AUH: variants seen among roughly 807,000 people sequenced by gnomAD.
The protein encoded by AUH is AU RNA binding methylglutaconyl-CoA hydratase.
A neutral mutation model predicts 42.3 loss-of-function variants in AUH; 29 were observed. The ratio of observed to expected loss-of-function variants is 0.69; its 90% confidence interval spans 0.51 to 0.93. AUH has a LOEUF of 0.93. AUH is among the 40% of genes least tolerant of loss of function. AUH has a pLI of 0.00. For missense variants in AUH, 452 were observed against 438.1 expected, an observed-to-expected ratio of 1.03 and a Z score of -0.28; for synonymous variants, 174 against 166.4, an observed-to-expected ratio of 1.05 and a Z score of -0.35.
intron 4 of AUH, among the ~76,000 whole-genome samples, chr9:91,313,466 G>A (rs951107034): frequency 8.5e-5 from 13 of 152,186 alleles, no homozygotes; most frequent in African/African-American, 3.1e-4. Context: ...AGCACTTTGG[G>A]AGGCCGAGGC....
Position 91,343,715 on chromosome 9 carries a change from G to C in AUH, c.418+12168C>G, listed in dbSNP as rs558746488. ...CTGCTGCACTCCAGCCTGGGTGACA[G>C]AGCAAGACCCTGTCTCAAAATAAAT... is the stretch of plus-strand genomic sequence containing the variant. On this transcript the variant is annotated intron_variant, in intron 3 of 9. Coordinates refer to ENST00000375731, the MANE Select transcript of AUH (RefSeq NM_001698.3). Among the ~76,000 whole-genome samples the C allele has an allele frequency of 2.0e-5, 3 of 152,184 alleles. No homozygotes were observed. The South Asian group carries it at 6.2e-4, about 32-fold the overall frequency.
intron 3 of AUH, among the ~76,000 whole-genome samples, chr9:91,330,667 G>C (rs1298768342): frequency 1.3e-5 from 2 of 152,152 alleles, no homozygotes; most frequent in African/African-American, 4.8e-5. Context: ...ACAGCTAAAA[G>C]CTGGGAACAC....
chr9:91,290,666 T>G (rs1434607893), intron 6 of AUH, among the ~76,000 whole-genome samples: 2 of 152,198 alleles, frequency 1.3e-5, no homozygotes, highest in African/African-American at 4.8e-5. Context: ...AGACCTCATA[T>G]GGTATGGCAC....
intron 4 of AUH, among the ~76,000 whole-genome samples, chr9:91,299,659 G>C (rs1220756458): frequency 6.6e-6 from 1 of 152,138 alleles, no homozygotes; most frequent in African/African-American, 2.4e-5. Flanking sequence ...ACAATATCTA[G>C]TGAATTTTAT....
At position 91,216,104 on chromosome 9, in the gene AUH, G is replaced by C. The variant is rs772624236; in HGVS notation, c.897C>G (p.Val299=). The change falls in exon 9 of 10, where the codon GTC becomes GTG. Residue 299 remains valine (V), a splice_region_variant and synonymous_variant. Transcript: ENST00000375731. ...CTATGGCTAACCCTGTTACTAAATC[G>C]ACCTGAGAATAAAAACATAATCCAT... ...AKLAINQGME[V]DLVTGLAIEE... is the part of the protein sequence containing the mutation. The C allele has an allele frequency of 1.1e-5, 17 of 1,612,348 alleles. No homozygotes were observed. The highest frequency in any genetic ancestry group is 1.2e-5 in the Non-Finnish European group (14 of 1,178,980).
intron 6 of AUH, among the ~76,000 whole-genome samples, chr9:91,275,708 T>C (rs999109949): frequency 2.0e-5 from 3 of 152,210 alleles, no homozygotes; most frequent in African/African-American, 7.2e-5. Context: ...AAAGGATGAC[T>C]ATGGCCATTT....
intron 6 of AUH, among the ~76,000 whole-genome samples, chr9:91,283,462 G>A (rs1412006043): frequency 6.6e-6 from 1 of 152,068 alleles, no homozygotes; most frequent in African/African-American, 2.4e-5. Context: ...TTCTGGCCAG[G>A]GCAATCAGGC....
At chr9:91,323,089 A>G (rs1014594935) in intron 4 of AUH, among the ~76,000 whole-genome samples, 10 of 152,210 alleles carry the variant, frequency 6.6e-5, no homozygotes, top group African/African-American at 2.4e-4. Context: ...GGCACCCACC[A>G]AAGTCAAAGA....
chr9:91,343,953 C>G (rs968530330), intron 3 of AUH, among the ~76,000 whole-genome samples: 1 of 152,032 alleles, frequency 6.6e-6, no homozygotes, highest in Non-Finnish European at 1.5e-5. Flanking sequence ...ACTGATGGAC[C>G]CTCCCCTCCA....
At chr9:91,258,495 A>G (rs1829531655) in intron 6 of AUH, among the ~76,000 whole-genome samples, 1 of 152,206 alleles carries the variant, frequency 6.6e-6, no homozygotes, top group Admixed American at 6.5e-5. Flanking sequence ...ATGGCCTCCC[A>G]AAGTGCTGAG....
chr9:91,294,765 T>C, intron 6 of AUH: 1 of 455,648 alleles, frequency 2.2e-6, no homozygotes, highest in Non-Finnish European at 4.4e-6. Context: ...ATGGATGACT[T>C]GGAGGGATTC....
At chr9:91,318,875 T>A (rs2131819906) in intron 4 of AUH, among the ~76,000 whole-genome samples, 1 of 152,322 alleles carries the variant, frequency 6.6e-6, no homozygotes, top group Admixed American at 6.5e-5. Flanking sequence ...CTTTCCCCCT[T>A]GCTGGCAACA....
intron 6 of AUH, among the ~76,000 whole-genome samples, chr9:91,277,420 A>C (rs1031123841): frequency 6.6e-6 from 1 of 152,220 alleles, no homozygotes; most frequent in Non-Finnish European, 1.5e-5. Flanking sequence ...TAACATGATT[A>C]AGGAAGTATA....
chr9:91,289,008 G>A (rs979939943), intron 6 of AUH, among the ~76,000 whole-genome samples: 3 of 152,068 alleles, frequency 2.0e-5, no homozygotes, highest in African/African-American at 7.2e-5. Flanking sequence ...ACTATTTTTT[G>A]ACAAATTGTT....
At chr9:91,231,839 T>C (rs1410064523) in intron 6 of AUH, among the ~76,000 whole-genome samples, 32 of 152,138 alleles carry the variant, frequency 2.1e-4, no homozygotes, top group Non-Finnish European at 2.9e-5. Flanking sequence ...AAGTAACACA[T>C]TCCCAGGACA....
chr9:91,302,960 A>T (rs1004931806), intron 4 of AUH, among the ~76,000 whole-genome samples: 1 of 152,244 alleles, frequency 6.6e-6, no homozygotes, highest in African/African-American at 2.4e-5. Context: ...GGAAGAAATT[A>T]TGACTCAGTA....
At chr9:91,351,637 G>T (rs1251115222) in intron 3 of AUH, among the ~76,000 whole-genome samples, 2 of 152,186 alleles carry the variant, frequency 1.3e-5, no homozygotes, top group Non-Finnish European at 2.9e-5. Flanking sequence ...CACAGCAGGA[G>T]GTGAGCACAG....
intron 6 of AUH, among the ~76,000 whole-genome samples, chr9:91,268,446 T>A (rs10991859): frequency 0.072 from 10,872 of 151,962 alleles, 671 homozygotes; most frequent in East Asian, 0.26. Flanking sequence ...TTTTTTTTTT[T>A]AAGAGACGGA....
chr9:91,254,380 A>G (rs79178032), intron 6 of AUH, among the ~76,000 whole-genome samples: 3,779 of 152,326 alleles, frequency 0.025, 76 homozygotes, highest in East Asian at 0.059. Context: ...GGGTGCAGAC[A>G]GGATGGGAAG....
Sources: allele counts gnomAD v4.1 joint callset (sites outside exome capture counted in the v4.1 genomes callset), GRCh38; gene constraint gnomAD v4.1.1; transcripts MANE v1.5; gene names NCBI Gene and HGNC (gene_info 2026-07-23, HGNC 2026-07-21).